Variants in HACE1 observed in about 807,000 individuals in gnomAD.
HACE1 encodes HECT domain and ankyrin repeat containing E3 ubiquitin protein ligase 1.
Under a neutral mutation model 118.4 loss-of-function variants are expected in HACE1, and 73 were observed. The observed-to-expected ratio is 0.62, with a 90% CI of 0.51 to 0.75. The LOEUF is 0.75. HACE1 is among the 30% of genes least tolerant of loss of function. The pLI is 0.00. For missense variants in HACE1, 749 were observed against 1,102.2 expected (o/e 0.68, Z 4.54); for synonymous variants, 368 against 374.8 (o/e 0.98, Z 0.21).
At position 104,840,002 on chromosome 6, in the gene HACE1, T is replaced by C. The variant is rs559117271; in HGVS notation, c.402+3221A>G. ...GCCTGGGCAACAGAGCGAGACTCTG[T>C]CTCAAAAAAATAAAATAAAATAAAA... On this transcript the variant is annotated intron_variant, in intron 5 of 23. Transcript: ENST00000262903. 1.3e-4 allele frequency among the ~76,000 whole-genome samples: 20 copies of C among 152,044 alleles called. No homozygotes were observed. In the East Asian group the frequency reaches 3.7e-3, roughly 28 times the overall value.
chr6:104,741,911 TACG>T (rs1389593373), intron 22 of HACE1, among the ~76,000 whole-genome samples: 2 of 151,438 alleles, frequency 1.3e-5, no homozygotes, highest in Admixed American at 6.6e-5. Flanking sequence ...CTTCAAACTA[TACG>T]ACAAGGCTAC....
chr6:104,836,260 T>C (rs995690648), intron 5 of HACE1, among the ~76,000 whole-genome samples: 1 of 152,086 alleles, frequency 6.6e-6, no homozygotes. Context: ...CTTCAAGACA[T>C]AATCAAGCAC....
chr6:104,838,524 G>A (rs571444825), intron 5 of HACE1, among the ~76,000 whole-genome samples: 1 of 151,896 alleles, frequency 6.6e-6, no homozygotes, highest in African/African-American at 2.4e-5. Context: ...ATGAAACTAG[G>A]CTCCTATATC....
intron 14 of HACE1, chr6:104,780,287 C>T (rs1781591322): frequency 1.2e-5 from 5 of 414,710 alleles, no homozygotes; most frequent in South Asian, 9.0e-5. Context: ...ATCAAACACA[C>T]ACACACACAT....
intron 6 of HACE1, among the ~76,000 whole-genome samples, chr6:104,827,872 C>T (rs1773490130): frequency 6.6e-6 from 1 of 152,038 alleles, no homozygotes; most frequent in Non-Finnish European, 1.5e-5. Flanking sequence ...AAGGGTTCAA[C>T]TATCATTTTA....
chr6:104,858,455 C>T (rs756490315), intron 1 of HACE1: 2 of 383,410 alleles, frequency 5.2e-6, no homozygotes, highest in South Asian at 3.7e-5. Context: ...AATCCCAACA[C>T]TTTGGGGGGA....
At chr6:104,826,276 A>G (rs1316585395) in intron 6 of HACE1, among the ~76,000 whole-genome samples, 1 of 152,228 alleles carries the variant, frequency 6.6e-6, no homozygotes, top group Non-Finnish European at 1.5e-5. Flanking sequence ...GACTCTAGAT[A>G]CTCGAGTTAC....
At chr6:104,737,733 C>T (rs532512884) in intron 22 of HACE1, among the ~76,000 whole-genome samples, 70 of 152,316 alleles carry the variant, frequency 4.6e-4, no homozygotes, top group African/African-American at 1.6e-3. Flanking sequence ...AACTGCAAGG[C>T]AGCAGCGAGG....
chr6:104,759,140 T>G (rs1475996089), intron 19 of HACE1, among the ~76,000 whole-genome samples: 1 of 152,142 alleles, frequency 6.6e-6, no homozygotes, highest in Non-Finnish European at 1.5e-5. Context: ...GACAGATCAG[T>G]GAGACAGAAG....
intron 11 of HACE1, 63 bp from the exon 12 acceptor site, chr6:104,785,382 A>G: frequency 1.2e-6 from 1 of 822,064 alleles, no homozygotes; most frequent in African/African-American, 1.8e-5. Context: ...AAAAAAAAAA[A>G]CAAAACACAA....
chr6:104,777,187 GTTTC>G lies in HACE1; in HGVS notation c.1678+15_1678+18del, dbSNP rs775937835. ...CACTTTGTGCTTCACACATATATCA[GTTTC>G]TTTGTTAAGCATACCTCTGTGAACC... On this transcript the variant is annotated intron_variant, in intron 15 of 23. Transcript: ENST00000262903. 66 of 1,574,832 alleles carry G rather than the reference GTTTC, an allele frequency of 4.2e-5. No individual in the cohort carries two copies. The highest frequency in any genetic ancestry group is 1.7e-4 in the Middle Eastern group (1 of 5,990).
At chr6:104,798,452 A>G (rs1044331291) in intron 7 of HACE1, among the ~76,000 whole-genome samples, 1 of 152,216 alleles carries the variant, frequency 6.6e-6, no homozygotes, top group African/African-American at 2.4e-5. Flanking sequence ...AAACTCTGCA[A>G]CGTTATTATA....
intron 7 of HACE1, 64 bp downstream of exon 7, chr6:104,811,247 C>CATAT (rs3995559): frequency 0.06 from 12,472 of 206,170 alleles, 293 homozygotes; most frequent in Non-Finnish European, 0.076. Flanking sequence ...TTTATTTATA[C>CATAT]ATATATATAT....
At chr6:104,742,565 T>C (rs926076857) in intron 22 of HACE1, among the ~76,000 whole-genome samples, 3 of 151,992 alleles carry the variant, frequency 2.0e-5, no homozygotes, top group Admixed American at 6.5e-5. Context: ...GAAACAATGC[T>C]CATCATCACT....
At chr6:104,807,118 G>C (rs1771096649) in intron 7 of HACE1, among the ~76,000 whole-genome samples, 1 of 150,200 alleles carries the variant, frequency 6.7e-6, no homozygotes, top group Non-Finnish European at 1.5e-5. Context: ...CCGCCTTTCA[G>C]ATTCAAGTGA....
chr6:104,846,111 C>CA (rs1329234330), intron 4 of HACE1, among the ~76,000 whole-genome samples: 1 of 152,094 alleles, frequency 6.6e-6, no homozygotes, highest in African/African-American at 2.4e-5. Context: ...CTTCCCCTTC[C>CA]AAAAATGAAT....
intron 7 of HACE1, among the ~76,000 whole-genome samples, chr6:104,800,126 T>C (rs1472406540): frequency 6.6e-6 from 1 of 152,124 alleles, no homozygotes; most frequent in Non-Finnish European, 1.5e-5. Context: ...CAGTCTGAGA[T>C]AGTCCTGCCA....
chr6:104,746,527 G>A (rs1242668009), intron 20 of HACE1, among the ~76,000 whole-genome samples: 3 of 152,206 alleles, frequency 2.0e-5, no homozygotes, highest in East Asian at 1.9e-4. Flanking sequence ...TCTCTTTGCA[G>A]TAGCTATGGC....
chr6:104,730,191 A>T, intron 23 of HACE1, 112 bp downstream of exon 23: 2 of 715,698 alleles, frequency 2.8e-6, no homozygotes, highest in African/African-American at 1.7e-5. Context: ...AAAATCCTGG[A>T]GAGAGATCAC....
Sources: gnomAD v4.1 joint callset for allele counts (sites outside exome capture counted in the v4.1 genomes callset) on GRCh38, gnomAD v4.1.1 for gene constraint, MANE v1.5 for transcripts, NCBI Gene and HGNC (gene_info 2026-07-23, HGNC 2026-07-21) for gene names.